Variants in PDXDC1 observed in about 807,000 individuals in gnomAD.
PDXDC1 encodes pyridoxal dependent decarboxylase domain containing 1, also known as pyridoxal-dependent decarboxylase domain-containing protein 1.
In PDXDC1, 42 loss-of-function variants were observed where a neutral mutation model predicts 100.1. The observed-to-expected ratio is 0.42, with a 90% CI of 0.33 to 0.54. The LOEUF (loss-of-function observed/expected upper bound fraction) is 0.54. Ranked by LOEUF, PDXDC1 falls within the 20% of genes least tolerant of loss-of-function variation. The pLI, the probability that PDXDC1 is intolerant of heterozygous loss-of-function variation, is 0.10. For synonymous variants in PDXDC1, 260 were observed against 371.7 expected (o/e 0.70, Z 3.46); for missense variants, 636 against 979.2 (o/e 0.65, Z 4.68).
chr16:15,020,113 A>G (rs1478066472), intron 12 of PDXDC1, among the ~76,000 whole-genome samples: 1 of 29,074 alleles, frequency 3.4e-5, no homozygotes, highest in Non-Finnish European at 1.6e-4. Flanking sequence ...CTCCGTCTCA[A>G]AAAAAAAAAA....
intron 16 of PDXDC1, among the ~76,000 whole-genome samples, chr16:15,088,215 G>C (rs2045984742): frequency 6.6e-6 from 1 of 152,142 alleles, no homozygotes; most frequent in Non-Finnish European, 1.5e-5. Context: ...GCTCATGCCT[G>C]TAATCCCAGC....
At chr16:15,001,548 A>T (rs1319037309) in intron 3 of PDXDC1, among the ~76,000 whole-genome samples, 3 of 152,308 alleles carry the variant, frequency 2.0e-5, no homozygotes, top group Non-Finnish European at 4.4e-5. Context: ...ACTCATAATT[A>T]GGTAGAAGAT....
At position 15,034,390 on chromosome 16, in the gene PDXDC1, G is replaced by A. The variant is rs751001922; in HGVS notation, c.1905+12G>A. ...GGCTTCTGGAAGAGGTGAGGCCCCC[G>A]ATGGGCAGCAGGCTGGGGGAGCCGC... On this transcript the variant is annotated intron_variant, in intron 20 of 22. Coordinates refer to ENST00000396410, the MANE Select transcript of PDXDC1 (RefSeq NM_015027.4). 5.4e-5 allele frequency: 87 copies of A among 1,613,366 alleles called. No homozygotes were observed. The South Asian group carries it at 8.8e-4, about 16-fold the overall frequency.
At chr16:15,129,047 T>A (rs1366539707) in intron 16 of PDXDC1, among the ~76,000 whole-genome samples, 31 of 151,684 alleles carry the variant, frequency 2.0e-4, no homozygotes, top group East Asian at 7.9e-4. Context: ...CCCCGTGATT[T>A]GCCTGCCTCG....
intron 1 of PDXDC1, among the ~76,000 whole-genome samples, chr16:14,981,804 G>A (rs1312267341): frequency 6.6e-6 from 1 of 151,970 alleles, no homozygotes; most frequent in Non-Finnish European, 1.5e-5. Flanking sequence ...CCTTTCCACT[G>A]TTGGGTATTT....
chr16:14,976,885 G>GTACTTCTTAGGAAA (rs1270585018), intron 1 of PDXDC1: 1 of 152,358 alleles, frequency 6.6e-6, no homozygotes, highest in East Asian at 1.9e-4. Flanking sequence ...GCAAAGTGGT[G>GTACTTCTTAGGAAA]TTATCAATTT....
chr16:14,980,654 T>C (rs1967760069), intron 1 of PDXDC1, among the ~76,000 whole-genome samples: 1 of 152,284 alleles, frequency 6.6e-6, no homozygotes, highest in Admixed American at 6.5e-5. Flanking sequence ...TTTGTATTTT[T>C]AGTAGAGATG....
At chr16:15,128,383 G>A (rs1422511731) in intron 16 of PDXDC1, 10 of 1,572,788 alleles carry the variant, frequency 6.4e-6, no homozygotes, top group East Asian at 2.2e-5. Context: ...CACGTGGGCC[G>A]TGGTACCTGG....
At chr16:15,140,065 C>G (rs1314182183), downstream of PDXDC1, among the ~76,000 whole-genome samples, 3 of 124,034 alleles carry the variant, frequency 2.4e-5, no homozygotes, top group Non-Finnish European at 3.2e-5. Context: ...CCACTGCAAT[C>G]CAGCCTGGTG....
chr16:15,132,452 G>A (rs1357162038), intron 16 of PDXDC1, among the ~76,000 whole-genome samples: 1 of 146,218 alleles, frequency 6.8e-6, no homozygotes, highest in East Asian at 2.1e-4. Context: ...AGGGGAGAGT[G>A]GAAGGCACAG....
chr16:14,991,733 G>T (rs1193681976), intron 1 of PDXDC1, among the ~76,000 whole-genome samples: 2 of 152,082 alleles, frequency 1.3e-5, no homozygotes, highest in African/African-American at 4.8e-5. Context: ...TGTTGCCCAG[G>T]CTCATCTCAA....
At chr16:15,148,821 C>A in the PDXDC1 span, among the ~76,000 whole-genome samples, 7 of 152,252 alleles carry the variant, frequency 4.6e-5, no homozygotes, top group South Asian at 2.1e-4. Context: ...GGGTGCCCCA[C>A]ATTCCCAACT....
chr16:15,104,712 C>G (rs200966838), intron 16 of PDXDC1: 30 of 1,596,844 alleles, frequency 1.9e-5, no homozygotes, highest in Non-Finnish European at 2.2e-5. Flanking sequence ...GTAGGGCCAG[C>G]AGGGCAATCC....
At chr16:15,124,928 C>T (rs1305420780) in intron 16 of PDXDC1, among the ~76,000 whole-genome samples, 3 of 151,604 alleles carry the variant, frequency 2.0e-5, no homozygotes, top group Admixed American at 6.6e-5. Context: ...GCAGGCGGAT[C>T]ACGAGGTTAG....
rs144495321 is a variant in PDXDC1, at chr16:15,078,995, T to A, written c.1399+48939T>A. Among the ~76,000 whole-genome samples the A allele has an allele frequency of 1.2e-3, 188 of 152,122 alleles. 1 individual carries two copies. The highest frequency in any genetic ancestry group is 4.4e-3 in the African/African-American group (182 of 41,500). Reference sequence around the variant, plus strand: ...CCCGGCCAATTTTTTGTATTTTTAGTGAGACAGAGTTTCACCATGTTAGCC... The same window carrying A: ...CCCGGCCAATTTTTTGTATTTTTAGAGAGACAGAGTTTCACCATGTTAGCC... On this transcript the variant is annotated intron_variant, in intron 16 of 16. Transcript: ENST00000535621.
At chr16:15,098,811 G>C (rs1187384404) in intron 16 of PDXDC1, among the ~76,000 whole-genome samples, 1 of 151,962 alleles carries the variant, frequency 6.6e-6, no homozygotes, top group Non-Finnish European at 1.5e-5. Flanking sequence ...CTGGGAGGCA[G>C]AGGTTGCAGT....
At chr16:15,019,681 CAGA>C (rs2042033476) in intron 12 of PDXDC1, among the ~76,000 whole-genome samples, 1 of 152,288 alleles carries the variant, frequency 6.6e-6, no homozygotes, top group African/African-American at 2.4e-5. Context: ...GAGCCTCTTT[CAGA>C]AGGTCACTAG....
intron 16 of PDXDC1, among the ~76,000 whole-genome samples, chr16:15,052,608 A>G (rs780698290): frequency 6.6e-6 from 1 of 152,158 alleles, no homozygotes; most frequent in Non-Finnish European, 1.5e-5. Flanking sequence ...CCGAGGCGAG[A>G]TGATCGCTTG....
At chr16:14,999,224 G>A (rs560973932) in intron 3 of PDXDC1, among the ~76,000 whole-genome samples, 3 of 152,398 alleles carry the variant, frequency 2.0e-5, no homozygotes, top group South Asian at 2.1e-4. Flanking sequence ...CCACCACCAC[G>A]CCCAGCTAAT....
Sources: allele counts gnomAD v4.1 joint callset (sites outside exome capture counted in the v4.1 genomes callset), GRCh38; gene constraint gnomAD v4.1.1; transcripts MANE v1.5; gene names NCBI Gene and HGNC (gene_info 2026-07-23, HGNC 2026-07-21).